SH3PXD2A: variants seen among roughly 807,000 people sequenced by gnomAD.
SH3PXD2A encodes SH3 and PX domains 2A.
A neutral mutation model predicts 115.2 loss-of-function variants in SH3PXD2A; 32 were observed. The ratio of observed to expected loss-of-function variants is 0.28; its 90% CI spans 0.21 to 0.37. SH3PXD2A has a LOEUF of 0.37. Among genes scored for constraint, SH3PXD2A ranks in the 10% least tolerant of loss-of-function variants. The probability of loss-of-function intolerance (pLI) is 1.00; values close to 1 mark genes in which losing one functional copy is unlikely to be tolerated. For missense variants in SH3PXD2A, 1,328 were observed against 1,498.7 expected, an observed-to-expected ratio of 0.89 and a Z score of 1.88; for synonymous variants, 610 against 629.1, an observed-to-expected ratio of 0.97 and a Z score of 0.45.
intron 5 of SH3PXD2A, among the ~76,000 whole-genome samples, chr10:103,706,150 T>G (rs975267279): frequency 1.1e-4 from 16 of 152,282 alleles, no homozygotes; most frequent in Admixed American, 2.6e-4. Flanking sequence ...TGGGTCACAG[T>G]GTCACAGCGT....
At chr10:103,747,029 A>G (rs2038511875) in intron 3 of SH3PXD2A, 1 of 152,302 alleles carries the variant, frequency 6.6e-6, no homozygotes, top group South Asian at 2.1e-4. Context: ...AGTGAAGCCC[A>G]CGAACGTATC....
chr10:103,682,768 A>C (rs1410904742), intron 6 of SH3PXD2A, among the ~76,000 whole-genome samples: 2 of 151,862 alleles, frequency 1.3e-5, no homozygotes, highest in East Asian at 1.9e-4. Flanking sequence ...AAAAAAAAAA[A>C]AACAAAACAA....
chr10:103,624,443 C>T (rs2036659517), intron 9 of SH3PXD2A, among the ~76,000 whole-genome samples: 1 of 152,204 alleles, frequency 6.6e-6, no homozygotes, highest in African/African-American at 2.4e-5. Flanking sequence ...CACACCTCTC[C>T]TGGTTCACTG....
At chr10:103,631,480 G>C (rs893206706) in intron 8 of SH3PXD2A, among the ~76,000 whole-genome samples, 22 of 152,120 alleles carry the variant, frequency 1.4e-4, no homozygotes, top group African/African-American at 4.8e-4. Flanking sequence ...CAGATGGTTG[G>C]GGGGACTACT....
chr10:103,814,854 GC>G (rs2039307670), intron 1 of SH3PXD2A, among the ~76,000 whole-genome samples: 1 of 152,164 alleles, frequency 6.6e-6, no homozygotes, highest in Non-Finnish European at 1.5e-5. Flanking sequence ...ATTTCTGACG[GC>G]CCCAATAAAA....
chr10:103,632,757 C>A (rs1300796647), intron 8 of SH3PXD2A, among the ~76,000 whole-genome samples: 1 of 152,150 alleles, frequency 6.6e-6, no homozygotes, highest in Non-Finnish European at 1.5e-5. Context: ...GGGCAGATCA[C>A]AAGGTCAAGA....
At chr10:103,672,915 G>C (rs764807851) in intron 6 of SH3PXD2A, among the ~76,000 whole-genome samples, 1 of 152,188 alleles carries the variant, frequency 6.6e-6, no homozygotes, top group East Asian at 1.9e-4. Flanking sequence ...GGCATTGCTC[G>C]CAATACCAGC....
At chr10:103,800,513 C>A (rs2039137055) in intron 2 of SH3PXD2A, among the ~76,000 whole-genome samples, 1 of 152,186 alleles carries the variant, frequency 6.6e-6, no homozygotes, top group African/African-American at 2.4e-5. Context: ...GAGAGCAGAT[C>A]CTGGTTTCAG....
intron 8 of SH3PXD2A, among the ~76,000 whole-genome samples, chr10:103,637,846 G>A (rs1488802029): frequency 6.6e-6 from 1 of 152,208 alleles, no homozygotes; most frequent in Non-Finnish European, 1.5e-5. Context: ...GCCCAAGTGA[G>A]TGCTGCTGTC....
intron 8 of SH3PXD2A, among the ~76,000 whole-genome samples, chr10:103,631,396 TC>T (rs1238748918): frequency 3.0e-4 from 46 of 152,232 alleles, no homozygotes; most frequent in African/African-American, 1.0e-3. Flanking sequence ...ATGTGGTTTT[TC>T]TCTCTCAAAA....
chr10:103,732,562 G>T (rs2038333321), intron 4 of SH3PXD2A, among the ~76,000 whole-genome samples: 1 of 152,250 alleles, frequency 6.6e-6, no homozygotes, highest in Admixed American at 6.5e-5. Flanking sequence ...TGGCTGGCCA[G>T]CAAGGGCAGG....
chr10:103,696,673 AG>A (rs1180810654), intron 5 of SH3PXD2A, among the ~76,000 whole-genome samples: 1 of 152,180 alleles, frequency 6.6e-6, no homozygotes, highest in East Asian at 1.9e-4. Context: ...GAAGAAGAGG[AG>A]GGGAGGAAGG....
In SH3PXD2A at chr10:103,782,318, G is replaced by A. The variant is rs75922063; in HGVS notation, c.154-15149C>T. Among the ~76,000 whole-genome samples the A allele has an allele frequency of 1.4e-3, 211 of 152,334 alleles. 3 individuals are homozygous for A. In the East Asian group the frequency reaches 0.015, roughly 11 times the overall value. ...TTAGCAAGATTGCTAAGTAGTTCAT[G>A]TGCACATGAAAATTTGAGAAGTCCT... On this transcript the variant is annotated intron_variant, in intron 2 of 14. Coordinates refer to ENST00000369774, the MANE Select transcript of SH3PXD2A (RefSeq NM_001394015.1).
chr10:103,695,513 G>GA lies in SH3PXD2A; in HGVS notation c.399-2458dup, dbSNP rs1321423150. 3.0e-3 allele frequency among the ~76,000 whole-genome samples: 277 copies of GA among 93,026 alleles called. 1 individual carries two copies. Among genetic ancestry groups the GA allele is most frequent in the Middle Eastern group, 5.7e-3 (1 of 174 alleles). The allele number at this position is 93,026 out of a possible 152,430, so 61.0% of individuals were successfully genotyped here. ...GACAAGTGAGACTCTGTCTCAAAAA[G>GA]AAAAAAAAAAAAAAAAGAGTGGGGA... On this transcript the variant is annotated intron_variant, in intron 5 of 14. Transcript: ENST00000369774.
chr10:103,810,537 C>T (rs1311520841), intron 1 of SH3PXD2A, among the ~76,000 whole-genome samples: 1 of 152,190 alleles, frequency 6.6e-6, no homozygotes, highest in Non-Finnish European at 1.5e-5. Flanking sequence ...TCAATCCATA[C>T]ATGTCCCTGC....
At chr10:103,729,243 C>G (rs2038285000) in intron 4 of SH3PXD2A, among the ~76,000 whole-genome samples, 1 of 152,188 alleles carries the variant, frequency 6.6e-6, no homozygotes, top group African/African-American at 2.4e-5. Flanking sequence ...AGAGCCTATG[C>G]CCTGATCCAC....
At chr10:103,703,883 C>G (rs564361319) in intron 5 of SH3PXD2A, among the ~76,000 whole-genome samples, 34 of 152,118 alleles carry the variant, frequency 2.2e-4, no homozygotes, top group Admixed American at 4.6e-4. Context: ...ATGTGTCTCT[C>G]TGTGTGTGTG....
At position 103,784,675 on chromosome 10, in the gene SH3PXD2A, G is replaced by A. The variant is rs2038964221; in HGVS notation, c.153+16607C>T. Among the ~76,000 whole-genome samples, 1 of 152,060 alleles carries A rather than the reference G, an allele frequency of 6.6e-6. No homozygotes were observed. Among genetic ancestry groups the A allele is most frequent in the African/African-American group, 2.4e-5 (1 of 41,384 alleles). ...AGGACAGTCCCAGTAAAAACTCGGG[G>A]GGTGCAGTGAGGAGGCAGGAGGATG... On this transcript the variant is annotated intron_variant, in intron 2 of 14. Transcript: ENST00000369774. This position sits in a 1 kb window ranked among gnomAD's most constrained non-coding sequence, Gnocchi z 4.4.
Position 103,596,663 on chromosome 10 carries a change from A to ACACACACACACACTCTCTCTCTCTCTCT in SH3PXD2A, c.*5152_*5153insAGAGAGAGAGAGAGAGTGTGTGTGTGTG. 2 of 124,438 alleles carry ACACACACACACACTCTCTCTCTCTCTCT rather than the reference A, an allele frequency of 1.6e-5. No individual in the cohort carries two copies. The highest frequency in any genetic ancestry group is 3.2e-5 in the African/African-American group (1 of 31,676). 7.7% of individuals were successfully genotyped at this position (124,438 alleles called of 1,614,324 possible). A position where few individuals can be genotyped will look rare whatever the true frequency, so the allele number is the denominator to read the frequency against. On this transcript the variant is annotated 3_prime_UTR_variant, in exon 15 of 15. Transcript: ENST00000369774. ...CACACACACACACACACACACACAC[A>ACACACACACACACTCTCTCTCTCTCTCT]CTCTCTCTCTCTCTCTCTCTCTCAC... is the stretch of plus-strand genomic sequence containing the variant.
Sources: allele counts gnomAD v4.1 joint callset (sites outside exome capture counted in the v4.1 genomes callset), GRCh38; gene constraint gnomAD v4.1.1; non-coding constraint Gnocchi (gnomAD v3.1); transcripts MANE v1.5; gene names NCBI Gene and HGNC (gene_info 2026-07-23, HGNC 2026-07-21).